C5: variants seen among roughly 807,000 people sequenced by gnomAD.
The protein encoded by C5 is C3 and PZP-like alpha-2-macroglobulin domain-containing protein 4.
A neutral mutation model predicts 218.8 loss-of-function variants in C5; 140 were observed. That is an observed-to-expected ratio of 0.64 (90% CI 0.56 to 0.74). The LOEUF (loss-of-function observed/expected upper bound fraction) is 0.74. C5 is among the 30% of genes least tolerant of loss of function. C5 has a pLI of 0.00. For synonymous variants in C5, 614 were observed against 682.3 expected (o/e 0.90, Z 1.56); for missense variants, 1,700 against 1,969.6 (o/e 0.86, Z 2.59).
chr9:120,988,433 G>A (rs2047050712), intron 25 of C5, among the ~76,000 whole-genome samples: 1 of 152,132 alleles, frequency 6.6e-6, no homozygotes, highest in South Asian at 2.1e-4. Context: ...AAGACCTGAG[G>A]GAAATATGAG....
intron 17 of C5, among the ~76,000 whole-genome samples, chr9:121,013,091 G>A (rs1033714789): frequency 6.6e-6 from 1 of 152,186 alleles, no homozygotes; most frequent in East Asian, 1.9e-4. Context: ...AGGCCGAGGT[G>A]GACGGATCAC....
At chr9:121,027,582 A>T (rs889471607) in intron 7 of C5, among the ~76,000 whole-genome samples, 2 of 152,356 alleles carry the variant, frequency 1.3e-5, no homozygotes, top group South Asian at 4.1e-4. Context: ...TGACAAAAAC[A>T]AGAAATGGGG....
At chr9:121,062,082 T>G in the C5 span, among the ~76,000 whole-genome samples, 2 of 152,208 alleles carry the variant, frequency 1.3e-5, no homozygotes, top group Non-Finnish European at 2.9e-5. Flanking sequence ...TTTTCTTTTT[T>G]AGCATGCCTT....
At chr9:120,989,860 A>G (rs1312735601) in intron 23 of C5, 80 bp from the exon 24 acceptor site, 6 of 1,141,748 alleles carry the variant, frequency 5.3e-6, no homozygotes, top group Non-Finnish European at 6.5e-6. Context: ...AAGAACAACC[A>G]TCTAGAGATG....
intron 34 of C5, among the ~76,000 whole-genome samples, chr9:120,963,190 T>A (rs892203708): frequency 1.6e-4 from 25 of 152,180 alleles, no homozygotes; most frequent in Admixed American, 1.2e-3. Context: ...AAATCAAAAC[T>A]TAGGTTAATT....
chr9:121,010,100 T>C (rs923700337), intron 17 of C5, among the ~76,000 whole-genome samples: 1 of 152,180 alleles, frequency 6.6e-6, no homozygotes, highest in Non-Finnish European at 1.5e-5. Context: ...CTGCAATTTC[T>C]AGGCAAGTCC....
intron 40 of C5, among the ~76,000 whole-genome samples, 185 bp downstream of exon 40, chr9:120,953,545 C>G (rs772173761): frequency 7.2e-5 from 11 of 152,182 alleles, no homozygotes; most frequent in Non-Finnish European, 1.3e-4. Context: ...GATGGTTAAT[C>G]AGGCAGCTAA....
chr9:120,987,352 GA>G (rs1182042981), intron 25 of C5, among the ~76,000 whole-genome samples: 5 of 151,680 alleles, frequency 3.3e-5, no homozygotes, highest in Admixed American at 1.3e-4. Flanking sequence ...AATAGCTAAA[GA>G]AAAAAAACTG....
chr9:121,006,472 A>G (rs983376983), intron 19 of C5, among the ~76,000 whole-genome samples: 1 of 152,216 alleles, frequency 6.6e-6, no homozygotes, highest in Non-Finnish European at 1.5e-5. Flanking sequence ...TAATCATCAT[A>G]AAGATCAGCC....
chr9:121,067,167 T>C, the C5 span, among the ~76,000 whole-genome samples: 14 of 152,034 alleles, frequency 9.2e-5, no homozygotes, highest in Admixed American at 2.0e-4. Context: ...ACTCAGGAGA[T>C]TGAGGCAGGA....
Position 120,970,155 on chromosome 9 carries a change from T to A in C5, c.4162+15A>T, listed in dbSNP as rs768491969. The A allele has an allele frequency of 3.2e-6, 5 of 1,565,228 alleles. No individual in the cohort carries two copies. The highest frequency in any genetic ancestry group is 4.4e-6 in the Non-Finnish European group (5 of 1,135,844). On this transcript the variant is annotated intron_variant, in intron 32 of 40. Coordinates refer to ENST00000223642, the MANE Select transcript of C5 (RefSeq NM_001735.3). Reference sequence around the variant, plus strand: ...TTTTTAGCCAAAATTACAGCGTAAATCCTGCTGTTTTTACCTTCAATATCC... The same window carrying A: ...TTTTTAGCCAAAATTACAGCGTAAAACCTGCTGTTTTTACCTTCAATATCC...
intron 4 of C5, among the ~76,000 whole-genome samples, chr9:121,036,247 C>G (rs752189164): frequency 6.6e-6 from 1 of 152,160 alleles, no homozygotes; most frequent in Non-Finnish European, 1.5e-5. Context: ...ATCGCACTAT[C>G]CATTGTGCAC....
At chr9:121,013,147 C>T (rs1323932927) in intron 17 of C5, among the ~76,000 whole-genome samples, 1 of 151,962 alleles carries the variant, frequency 6.6e-6, no homozygotes, top group Non-Finnish European at 1.5e-5. Flanking sequence ...TGGTGAAACC[C>T]TGTCCCTACT....
intron 6 of C5, among the ~76,000 whole-genome samples, 178 bp from the exon 7 acceptor site, chr9:121,030,665 C>T (rs183718389): frequency 6.6e-5 from 10 of 152,282 alleles, no homozygotes; most frequent in Admixed American, 4.6e-4. Context: ...CTCTGCAGAA[C>T]CTTCCCACTC....
At position 121,017,824 on chromosome 9, in the gene C5, A is replaced by C; in HGVS notation, c.1535T>G (p.Phe512Cys). ...LILSKGKIIH[F>C]GTREKFSDAS... ...ATCTGAAAATTTCTCCCTCGTGCCA[A>C]AGTGGATAATTTTGCCCTTGGATAA... The change falls in exon 13 of 41, where the codon TTT becomes TGT. Residue 512 changes from phenylalanine to cysteine, a missense_variant. Coordinates refer to ENST00000223642, the MANE Select transcript of C5 (RefSeq NM_001735.3). The C allele has an allele frequency of 6.2e-7, 1 of 1,613,484 alleles. No homozygotes were observed. The highest frequency in any genetic ancestry group is 8.5e-7 in the Non-Finnish European group (1 of 1,179,536).
chr9:121,000,130 G>A (rs1015767258), intron 20 of C5: 1 of 203,598 alleles, frequency 4.9e-6, no homozygotes, highest in African/African-American at 2.4e-5. Flanking sequence ...GAGATGGCAG[G>A]CTAGATTTGG....
intron 25 of C5, among the ~76,000 whole-genome samples, chr9:120,986,015 C>T (rs1430941825): frequency 6.6e-6 from 1 of 152,154 alleles, no homozygotes; most frequent in African/African-American, 2.4e-5. Context: ...CTAACTCTTG[C>T]ACACAGTTTT....
chr9:121,030,248 A>G, intron 7 of C5, 149 bp downstream of exon 7: 1 of 566,000 alleles, frequency 1.8e-6, no homozygotes, highest in Non-Finnish European at 3.2e-6. Context: ...ATGAACTACC[A>G]GCATGATGTC....
chr9:121,046,794 T>C (rs1185332084), intron 1 of C5, among the ~76,000 whole-genome samples: 1 of 151,932 alleles, frequency 6.6e-6, no homozygotes, highest in Non-Finnish European at 1.5e-5. Flanking sequence ...TAAGTCTTTC[T>C]GAGGCTAAAA....
Sources: allele counts gnomAD v4.1 joint callset (sites outside exome capture counted in the v4.1 genomes callset), GRCh38; gene constraint gnomAD v4.1.1; transcripts MANE v1.5; gene names NCBI Gene and HGNC (gene_info 2026-07-23, HGNC 2026-07-21).